WWOX: variants seen among roughly 807,000 people sequenced by gnomAD.
The protein encoded by WWOX is WW domain-containing oxidoreductase.
Under a neutral mutation model 46.2 loss-of-function variants are expected in WWOX, and 69 were observed. The observed-to-expected ratio is 1.49, with a 90% CI of 1.23 to 1.82. The LOEUF is 1.82. Among genes scored for constraint, WWOX ranks in the 40% most tolerant of loss-of-function variants. The probability of loss-of-function intolerance (pLI) is 0.00; values close to 1 mark genes in which losing one functional copy is unlikely to be tolerated. For missense variants in WWOX, 919 were observed against 542.6 expected, an observed-to-expected ratio of 1.69 and a Z score of -6.89; for synonymous variants, 359 against 202.6, an observed-to-expected ratio of 1.77 and a Z score of -6.56.
chr16:79,201,236 C>T (rs965359537), intron 8 of WWOX, among the ~76,000 whole-genome samples: 1 of 152,142 alleles, frequency 6.6e-6, no homozygotes, highest in Non-Finnish European at 1.5e-5. Context: ...CCTGCTGATT[C>T]TCAGCTCCCT....
At chr16:79,170,973 A>G (rs2050689240) in intron 8 of WWOX, among the ~76,000 whole-genome samples, 1 of 152,224 alleles carries the variant, frequency 6.6e-6, no homozygotes, top group Admixed American at 6.5e-5. Context: ...CACACTCCCC[A>G]ATCTAAGAAA....
intron 8 of WWOX, among the ~76,000 whole-genome samples, chr16:78,804,683 T>A (rs190371438): frequency 1.4e-4 from 21 of 152,304 alleles, no homozygotes; most frequent in Non-Finnish European, 4.4e-5. Flanking sequence ...CACTTTCAAA[T>A]TTCTGTTTTT....
intron 8 of WWOX, among the ~76,000 whole-genome samples, chr16:79,130,286 C>G (rs1027315250): frequency 1.3e-5 from 2 of 152,168 alleles, no homozygotes; most frequent in Non-Finnish European, 2.9e-5. Context: ...AGCATAGTGC[C>G]TGCCACTTAG....
intron 8 of WWOX, among the ~76,000 whole-genome samples, chr16:78,576,133 C>T (rs530954127): frequency 2.6e-5 from 4 of 152,090 alleles, no homozygotes; most frequent in African/African-American, 7.2e-5. Context: ...TAGAATGACT[C>T]TCCTGTATGA....
At chr16:78,205,827 A>T (rs924421222) in intron 5 of WWOX, among the ~76,000 whole-genome samples, 3 of 144,838 alleles carry the variant, frequency 2.1e-5, no homozygotes, top group Non-Finnish European at 4.6e-5. Context: ...CTTCCTTCCT[A>T]CCTTCCTTCC....
chr16:78,793,101 C>G (rs1332521048), intron 8 of WWOX, among the ~76,000 whole-genome samples: 4 of 152,280 alleles, frequency 2.6e-5, no homozygotes, highest in Admixed American at 1.3e-4. Context: ...GAGAAAGGCT[C>G]TCACTCTGTT....
chr16:78,116,842 G>A lies in WWOX; in HGVS notation c.409+1688G>A, dbSNP rs534993891. Among the ~76,000 whole-genome samples, 9 of 152,316 alleles carry A rather than the reference G, an allele frequency of 5.9e-5. No individual in the cohort carries two copies. The South Asian group carries it at 1.9e-3, about 32-fold the overall frequency. ...AATCTTCTAGCTAGACTCTTTTTCT[G>A]TAATGAGTAAGATATGTGACTACTG... On this transcript the variant is annotated intron_variant, in intron 4 of 8. Coordinates refer to ENST00000566780, the MANE Select transcript of WWOX (RefSeq NM_016373.4).
chr16:78,135,676 G>A (rs1297957794), intron 4 of WWOX, among the ~76,000 whole-genome samples: 1 of 150,620 alleles, frequency 6.6e-6, no homozygotes, highest in Non-Finnish European at 1.5e-5. Flanking sequence ...TAGACTGACA[G>A]TATTACTGAA....
chr16:78,866,123 C>T (rs1480552321), intron 8 of WWOX, among the ~76,000 whole-genome samples: 1 of 152,178 alleles, frequency 6.6e-6, no homozygotes, highest in Non-Finnish European at 1.5e-5. Context: ...ATCTCTTTCT[C>T]TTCCATAACA....
intron 8 of WWOX, among the ~76,000 whole-genome samples, chr16:79,145,571 T>C (rs2050169226): frequency 6.6e-6 from 1 of 152,198 alleles, no homozygotes; most frequent in Non-Finnish European, 1.5e-5. Context: ...GACAAGAATA[T>C]TCATGATAGC....
At chr16:78,715,340 T>A (rs976313550) in intron 8 of WWOX, among the ~76,000 whole-genome samples, 4 of 152,178 alleles carry the variant, frequency 2.6e-5, no homozygotes, top group Non-Finnish European at 2.9e-5. Flanking sequence ...TTTGTCAAAG[T>A]TCTTCATCCC....
At chr16:78,898,073 A>G (rs1007923246) in intron 8 of WWOX, 6 of 151,330 alleles carry the variant, frequency 4.0e-5, no homozygotes, top group Middle Eastern at 3.4e-3. Flanking sequence ...TTTTTTTTTC[A>G]TATGTACTGT....
chr16:78,398,812 A>G (rs756822239), intron 6 of WWOX, among the ~76,000 whole-genome samples: 2 of 152,258 alleles, frequency 1.3e-5, no homozygotes, highest in Non-Finnish European at 2.9e-5. Context: ...AGAGGATTCA[A>G]TAACTGAATA....
chr16:78,526,086 C>T (rs1465586210), intron 8 of WWOX: 1 of 152,126 alleles, frequency 6.6e-6, no homozygotes, highest in African/African-American at 2.4e-5. Flanking sequence ...GCTCACACAC[C>T]AGCCCTGGTC....
intron 8 of WWOX, among the ~76,000 whole-genome samples, chr16:79,046,081 C>A (rs1597321003): frequency 6.6e-6 from 1 of 152,098 alleles, no homozygotes; most frequent in Non-Finnish European, 1.5e-5. Context: ...GAATTACAGG[C>A]ATAAGCCACT....
intron 8 of WWOX, among the ~76,000 whole-genome samples, chr16:78,699,120 C>G (rs1426361442): frequency 1.3e-5 from 2 of 152,166 alleles, no homozygotes; most frequent in South Asian, 2.1e-4. Flanking sequence ...ATACACAAAT[C>G]AATGCACCAT....
At position 78,391,444 on chromosome 16, in the gene WWOX, G is replaced by C. The variant is rs9925526; in HGVS notation, c.605+4496G>C. On this transcript the variant is annotated intron_variant, in intron 6 of 8. Transcript: ENST00000566780. ...TCAACTTGAGCAAGTAGGAGATCCA[G>C]AATTTGAACCCAAATCTCTCTGAAT... 2.1e-4 allele frequency among the ~76,000 whole-genome samples: 32 copies of C among 152,340 alleles called. 1 individual carries two copies. Among genetic ancestry groups the C allele is most frequent in the African/African-American group, 7.2e-4 (30 of 41,580 alleles).
At chr16:78,616,089 C>G (rs374310422) in intron 8 of WWOX, among the ~76,000 whole-genome samples, 4 of 152,138 alleles carry the variant, frequency 2.6e-5, no homozygotes, top group Non-Finnish European at 5.9e-5. Flanking sequence ...AGCTATTCTT[C>G]TCACTTCCTA....
At chr16:78,684,157 T>A (rs1057064228) in intron 8 of WWOX, among the ~76,000 whole-genome samples, 2 of 151,938 alleles carry the variant, frequency 1.3e-5, no homozygotes, top group African/African-American at 4.8e-5. Flanking sequence ...AGGCTTAGAG[T>A]TGGTTTCCCA....
Sources: gnomAD v4.1 joint callset for allele counts (sites outside exome capture counted in the v4.1 genomes callset) on GRCh38, gnomAD v4.1.1 for gene constraint, MANE v1.5 for transcripts, NCBI Gene and HGNC (gene_info 2026-07-23, HGNC 2026-07-21) for gene names.